Variants in FBXL7 observed in about 807,000 individuals in gnomAD.
FBXL7 encodes F-box/LRR-repeat protein 7.
FBXL7 carries 12 observed loss-of-function variants against 38.3 expected under a neutral mutation model. The observed-to-expected ratio is 0.31, with a 90% CI of 0.20 to 0.51. The LOEUF (loss-of-function observed/expected upper bound fraction) is 0.51. Among genes scored for constraint, FBXL7 ranks in the 20% least tolerant of loss-of-function variants. FBXL7 has a pLI of 0.98. For missense variants in FBXL7, 567 were observed against 676.4 expected, an observed-to-expected ratio of 0.84 and a Z score of 1.79; for synonymous variants, 297 against 300.9, an observed-to-expected ratio of 0.99 and a Z score of 0.13.
intron 2 of FBXL7, among the ~76,000 whole-genome samples, chr5:15,748,697 A>T (rs1292960092): frequency 6.6e-6 from 1 of 151,878 alleles, no homozygotes; most frequent in African/African-American, 2.4e-5. Flanking sequence ...ACAAGGGCTA[A>T]TTTTTTTTGT....
chr5:15,776,647 C>T (rs1468149640), intron 2 of FBXL7, among the ~76,000 whole-genome samples: 1 of 152,064 alleles, frequency 6.6e-6, no homozygotes, highest in Non-Finnish European at 1.5e-5. Flanking sequence ...GGAAAAAATT[C>T]GCACTTTTTT....
rs73752357 is a variant in FBXL7, at chr5:15,891,557, G to C, written c.128-36333G>C. On this transcript the variant is annotated intron_variant, in intron 2 of 3. Coordinates refer to ENST00000504595, the MANE Select transcript of FBXL7 (RefSeq NM_012304.5). The stretch of plus-strand genomic sequence containing the variant: ...TGATGTCCTTTGAGCTTACAGTCTA[G>C]TAGAGGGAGACACAATCAGCAAATA... Among the ~76,000 whole-genome samples, 1,055 of 152,310 alleles carry C rather than the reference G, an allele frequency of 6.9e-3. 20 individuals are homozygous for C. The highest frequency in any genetic ancestry group is 0.024 in the African/African-American group (1,004 of 41,568).
intron 2 of FBXL7, among the ~76,000 whole-genome samples, chr5:15,779,861 T>C (rs975356399): frequency 6.6e-6 from 1 of 152,198 alleles, no homozygotes; most frequent in African/African-American, 2.4e-5. Context: ...ATTTTGAAGA[T>C]AGAACCACTT....
At chr5:15,652,464 C>T (rs1463622257) in intron 2 of FBXL7, among the ~76,000 whole-genome samples, 4 of 152,196 alleles carry the variant, frequency 2.6e-5, no homozygotes, top group African/African-American at 9.7e-5. Context: ...GATGGGCTTT[C>T]ACCGTGTTAG....
chr5:15,737,560 G>A lies in FBXL7; in HGVS notation c.127+121488G>A, dbSNP rs532009392. ...ATGTTGGAAGGGCATTGCTTCAGGAGATGTTTCAGGCTAAGAGAAAGATCT... is the reference window on the plus strand; with the variant it reads ...ATGTTGGAAGGGCATTGCTTCAGGAAATGTTTCAGGCTAAGAGAAAGATCT... On this transcript the variant is annotated intron_variant, in intron 2 of 3. Coordinates refer to ENST00000504595, the MANE Select transcript of FBXL7 (RefSeq NM_012304.5). 4.5e-4 allele frequency among the ~76,000 whole-genome samples: 68 copies of A among 152,324 alleles called. 1 individual carries two copies. The highest frequency in any genetic ancestry group is 3.4e-3 in the Middle Eastern group (1 of 294).
At chr5:15,725,852 G>A (rs1744333179) in intron 2 of FBXL7, among the ~76,000 whole-genome samples, 1 of 152,156 alleles carries the variant, frequency 6.6e-6, no homozygotes, top group African/African-American at 2.4e-5. Context: ...TGGCCAGGCT[G>A]TAGATTGTTA....
intron 1 of FBXL7, among the ~76,000 whole-genome samples, chr5:15,556,015 A>G (rs1312545824): frequency 6.8e-6 from 1 of 147,574 alleles, no homozygotes; most frequent in East Asian, 2.0e-4. Flanking sequence ...CTATCTATCT[A>G]TCATCTATCA....
At chr5:15,817,216 G>A (rs985917341) in intron 2 of FBXL7, among the ~76,000 whole-genome samples, 2 of 152,142 alleles carry the variant, frequency 1.3e-5, no homozygotes, top group African/African-American at 4.8e-5. Context: ...CAGATGGACA[G>A]GTCCCAAGAA....
At chr5:15,838,253 A>G (rs1738642315) in intron 2 of FBXL7, among the ~76,000 whole-genome samples, 1 of 152,140 alleles carries the variant, frequency 6.6e-6, no homozygotes. Flanking sequence ...AGAAATTTAC[A>G]TTGTACAGTT....
Position 15,726,333 on chromosome 5 carries a change from G to T in FBXL7, c.127+110261G>T, listed in dbSNP as rs563512326. On this transcript the variant is annotated intron_variant, in intron 2 of 3. Coordinates refer to ENST00000504595, the MANE Select transcript of FBXL7 (RefSeq NM_012304.5). ...CTCAAGAGGCTGAGGTAGGAGGATT[G>T]CCTGGAGCAAGGAGTTCCAGATTGT... 4.0e-3 allele frequency among the ~76,000 whole-genome samples: 611 copies of T among 152,218 alleles called. 4 individuals are homozygous for T. Among genetic ancestry groups the T allele is most frequent in the African/African-American group, 0.014 (568 of 41,524 alleles).
chr5:15,872,754 C>T (rs1474931111), intron 2 of FBXL7, among the ~76,000 whole-genome samples: 2 of 152,112 alleles, frequency 1.3e-5, no homozygotes, highest in Non-Finnish European at 2.9e-5. Context: ...TATTTGCACC[C>T]AATACAGGAG....
chr5:15,762,682 T>G lies in FBXL7; in HGVS notation c.127+146610T>G, dbSNP rs1505041. On this transcript the variant is annotated intron_variant, in intron 2 of 3. Coordinates refer to ENST00000504595, the MANE Select transcript of FBXL7 (RefSeq NM_012304.5). ...TTGTTTTGAAAGTTAATTAAATTCT[T>G]GCAAAACAGCGTACTGCTGAGAGAA... is the stretch of plus-strand genomic sequence containing the variant. Among the ~76,000 whole-genome samples, 1,005 of 152,336 alleles carry G rather than the reference T, an allele frequency of 6.6e-3. 12 individuals are homozygous for G. The highest frequency in any genetic ancestry group is 0.023 in the African/African-American group (948 of 41,576).
intron 2 of FBXL7, among the ~76,000 whole-genome samples, chr5:15,630,000 T>C (rs1439291561): frequency 6.6e-6 from 1 of 152,228 alleles, no homozygotes; most frequent in Non-Finnish European, 1.5e-5. Context: ...CTTAGTTGTC[T>C]CTTGTGTTAA....
At chr5:15,656,615 C>T (rs1741890288) in intron 2 of FBXL7, among the ~76,000 whole-genome samples, 1 of 152,054 alleles carries the variant, frequency 6.6e-6, no homozygotes, top group South Asian at 2.1e-4. Context: ...GGAGTTACGG[C>T]AGCTACAATT....
intron 2 of FBXL7, among the ~76,000 whole-genome samples, chr5:15,903,019 A>G (rs972876559): frequency 3.9e-5 from 6 of 152,242 alleles, no homozygotes; most frequent in Admixed American, 2.6e-4. Context: ...AAGATACAGC[A>G]TCACCACTGT....
chr5:15,800,696 G>A (rs1737540740), intron 2 of FBXL7, among the ~76,000 whole-genome samples: 1 of 152,218 alleles, frequency 6.6e-6, no homozygotes, highest in South Asian at 2.1e-4. Flanking sequence ...AAAGTGGACA[G>A]AGGAGACCAT....
At chr5:15,918,673 A>G (rs1029788306) in intron 2 of FBXL7, among the ~76,000 whole-genome samples, 10 of 152,348 alleles carry the variant, frequency 6.6e-5, no homozygotes, top group African/African-American at 2.4e-4. Context: ...TCTGTGACTG[A>G]TATTACATGA....
At chr5:15,815,671 A>G (rs1185954758) in intron 2 of FBXL7, among the ~76,000 whole-genome samples, 1 of 152,174 alleles carries the variant, frequency 6.6e-6, no homozygotes, top group African/African-American at 2.4e-5. Context: ...ATACTCAATT[A>G]TTTTCATCAC....
At chr5:15,616,303 ATGT>A (rs1740451222) in intron 2 of FBXL7, among the ~76,000 whole-genome samples, 1 of 152,160 alleles carries the variant, frequency 6.6e-6, no homozygotes, top group African/African-American at 2.4e-5. Context: ...TATAAGGCAA[ATGT>A]TGTTTTGTGA....
Sources: allele counts gnomAD v4.1 joint callset (sites outside exome capture counted in the v4.1 genomes callset), GRCh38; gene constraint gnomAD v4.1.1; transcripts MANE v1.5; gene names NCBI Gene and HGNC (gene_info 2026-07-23, HGNC 2026-07-21).